Variants in ACVRL1 observed in about 807,000 individuals in gnomAD.
ACVRL1 encodes activin receptor type-1-like.
Under a neutral mutation model 51.9 loss-of-function variants are expected in ACVRL1, and 20 were observed. That is an observed-to-expected ratio of 0.39 (90% confidence interval 0.27 to 0.56). The LOEUF (loss-of-function observed/expected upper bound fraction) is 0.56, where lower values mean the gene tolerates loss of function less well. ACVRL1 is among the 20% of genes least tolerant of loss of function. The probability of loss-of-function intolerance (pLI) is 0.67; values close to 1 mark genes in which losing one functional copy is unlikely to be tolerated. For missense variants in ACVRL1, 451 were observed against 670.3 expected, an observed-to-expected ratio of 0.67 and a Z score of 3.61; for synonymous variants, 288 against 280.9, an observed-to-expected ratio of 1.03 and a Z score of -0.25.
chr12:51,913,920 A>C (rs1014973962), intron 4 of ACVRL1, 54 bp from the exon 5 acceptor site: 10 of 1,597,280 alleles, frequency 6.3e-6, no homozygotes, highest in African/African-American at 1.3e-5. Flanking sequence ...GAGGATAGAG[A>C]AGGGGGCTGT....
rs762047618 is a variant in ACVRL1, at chr12:51,913,674, C to T, written c.429C>T (p.Val143=). The change falls in exon 4 of 10, where the codon GTC becomes GTT. Residue 143 remains valine, a synonymous_variant. Transcript: ENST00000388922. ...VALGVLGLWH[V]RRRQEKQRGL... is the part of the protein sequence containing the mutation. ...TGGGTGTCCTGGGCCTGTGGCATGT[C>T]CGACGGAGGCAGGAGAAGCAGCGTG... 5.0e-6 allele frequency: 8 copies of T among 1,610,022 alleles called. No individual in the cohort carries two copies. The Admixed American group carries it at 8.3e-5, about 17-fold the overall frequency.
intron 1 of ACVRL1, among the ~76,000 whole-genome samples, chr12:51,910,181 G>A (rs1940661626): frequency 1.3e-5 from 2 of 152,230 alleles, no homozygotes; most frequent in South Asian, 4.1e-4. Flanking sequence ...GATGCAGACA[G>A]CCTCGCTCCA....
chr12:51,921,003 G>A lies in ACVRL1; in HGVS notation c.*110G>A, dbSNP rs767722859. On this transcript the variant is annotated 3_prime_UTR_variant, in exon 10 of 10. Transcript: ENST00000388922. Reference sequence around the variant, plus strand: ...TGTGAGTGTGGTGTGTGCTGGGGATGGGCAGCTGCGCCTGCCTGCTCGGCC... The same window carrying A: ...TGTGAGTGTGGTGTGTGCTGGGGATAGGCAGCTGCGCCTGCCTGCTCGGCC... 1.7e-4 allele frequency: 226 copies of A among 1,325,414 alleles called. No individual in the cohort carries two copies. Among genetic ancestry groups the A allele is most frequent in the Non-Finnish European group, 2.2e-4 (207 of 956,778 alleles). 82.1% of individuals were successfully genotyped at this position (1,325,414 alleles called of 1,614,324 possible).
intron 6 of ACVRL1, 73 bp from the exon 7 acceptor site, chr12:51,915,152 C>A: frequency 6.4e-7 from 1 of 1,558,414 alleles, no homozygotes; most frequent in Non-Finnish European, 8.8e-7. Flanking sequence ...CCCAACCCCA[C>A]CCTGACCCTG....
At chr12:51,910,969 T>C (rs1267496747) in intron 1 of ACVRL1, among the ~76,000 whole-genome samples, 1 of 152,174 alleles carries the variant, frequency 6.6e-6, no homozygotes, top group Non-Finnish European at 1.5e-5. Context: ...CATACTGCCC[T>C]CAGAGCCTCA....
Position 51,913,289 on chromosome 12 carries a change from C to T in ACVRL1, c.252C>T (p.Phe84=), listed in dbSNP as rs772198943. 20 of 1,608,488 alleles carry T rather than the reference C, an allele frequency of 1.2e-5. No individual in the cohort carries two copies. The highest frequency in any genetic ancestry group is 5.3e-5 in the African/African-American group (4 of 74,826). ...TCTGCAGGGGGCGCCCCACCGAGTT[C>T]GTCAACCACTACTGCTGCGACAGCC... The part of the protein sequence containing the change: ...RELCRGRPTE[F]VNHYCCDSHL... Residue 84 remains phenylalanine (F), a synonymous_variant, in exon 3 of 10, where the codon TTC becomes TTT. Transcript: ENST00000388922.
At position 51,923,145 on chromosome 12, in the gene ACVRL1, G is replaced by A. The variant is rs1293668616; in HGVS notation, c.*2252G>A. 1.3e-5 allele frequency: 2 copies of A among 152,830 alleles called. No individual in the cohort carries two copies. The highest frequency in any genetic ancestry group is 2.4e-5 in the African/African-American group (1 of 41,454). The allele number at this position is 152,830 out of a possible 1,614,324, so 9.5% of individuals were successfully genotyped here. On this transcript the variant is annotated 3_prime_UTR_variant, in exon 10 of 10. Coordinates refer to ENST00000388922, the MANE Select transcript of ACVRL1 (RefSeq NM_000020.3). ...TAAGAGAAGGCCTGGGGCAGGAAGT[G>A]GAGTGACAGGGGACAGGTAGAGAGA... is the stretch of plus-strand genomic sequence containing the variant.
At chr12:51,912,597 C>T in intron 2 of ACVRL1, 62 bp downstream of exon 2, 1 of 1,396,930 alleles carries the variant, frequency 7.2e-7, no homozygotes, top group Non-Finnish European at 1.0e-6. Flanking sequence ...TATCTGGGCC[C>T]AGATCAGCTC....
Position 51,912,491 on chromosome 12 carries a change from C to G in ACVRL1, c.17C>G (p.Pro6Arg), listed in dbSNP as rs1485762988. 3.1e-6 allele frequency: 5 copies of G among 1,614,184 alleles called. No homozygotes were observed. The highest frequency in any genetic ancestry group is 4.2e-6 in the Non-Finnish European group (5 of 1,180,014). MTLGS[P>R]RKGLLMLLMA... The stretch of plus-strand genomic sequence containing the variant: ...GCAGGGACCATGACCTTGGGCTCCC[C>G]CAGGAAAGGCCTTCTGATGCTGCTG... Residue 6 changes from proline to arginine, a missense_variant, in exon 2 of 10, where the codon CCC becomes CGC. Transcript: ENST00000388922.
chr12:51,916,377 A>G, intron 8 of ACVRL1, 144 bp downstream of exon 8: 2 of 817,764 alleles, frequency 2.4e-6, no homozygotes, highest in Non-Finnish European at 1.9e-6. Context: ...CAGCTGGTTC[A>G]GCTGAGTGAC....
At chr12:51,916,266 G>A (rs1037367307) in intron 8 of ACVRL1, 33 bp downstream of exon 8, 2 of 1,607,308 alleles carry the variant, frequency 1.2e-6, no homozygotes, top group Non-Finnish European at 1.7e-6. Context: ...GTAGGGAAAG[G>A]GGAATCAGCC....
intron 8 of ACVRL1, among the ~76,000 whole-genome samples, chr12:51,916,923 A>G (rs1416363907): frequency 6.6e-6 from 1 of 152,332 alleles, no homozygotes; most frequent in Admixed American, 6.5e-5. Flanking sequence ...GCGGTGAGCC[A>G]AGATCATGCC....
Position 51,915,161 on chromosome 12 carries a change from TGAC to T in ACVRL1, c.773-60_773-58del. On this transcript the variant is annotated intron_variant, in intron 6 of 9. Transcript: ENST00000388922. ...CTCTCCCCCAACCCCACCCTGACCC[TGAC>T]GACTCCAGCCTCCCTTAGCCCCAGC... The T allele has an allele frequency of 8.6e-6, 11 of 1,272,234 alleles. No homozygotes were observed. The South Asian group carries it at 1.1e-4, about 12-fold the overall frequency. The allele number at this position is 1,272,234 out of a possible 1,614,324, so 78.8% of individuals were successfully genotyped here. A position where few individuals can be genotyped will look rare whatever the true frequency, so the allele number is the denominator to read the frequency against.
rs1276934525 is a variant in ACVRL1 at position 51,913,337 on chromosome 12, C to G, written c.300C>G (p.Ser100=). The G allele has an allele frequency of 1.9e-6, 3 of 1,612,230 alleles. No homozygotes were observed. In the African/African-American group the frequency reaches 4.0e-5, roughly 22 times the overall value. Residue 100 remains serine, a synonymous_variant, in exon 3 of 10, where the codon TCC becomes TCG. Transcript: ENST00000388922. ...CDSHLCNHNV[S]LVLEATQPPS... ...GCCACCTCTGCAACCACAACGTGTC[C>G]CTGGTGCTGGAGGGTACGTCCAGCT...
Position 51,916,105 on chromosome 12 carries a change from A to G in ACVRL1, c.1118A>G (p.Lys373Arg), listed in dbSNP as rs1324917279. 1.2e-5 allele frequency: 19 copies of G among 1,613,574 alleles called. No homozygotes were observed. Among genetic ancestry groups the G allele is most frequent in the Admixed American group, 1.7e-5 (1 of 59,992 alleles). ...GGCAACAACCCGAGAGTGGGCACCAAGCGGTACATGGCACCCGAGGTGCTG... is the reference window on the plus strand; with the variant it reads ...GGCAACAACCCGAGAGTGGGCACCAGGCGGTACATGGCACCCGAGGTGCTG... ...DIGNNPRVGT[K>R]RYMAPEVLDE... Residue 373 changes from lysine (K) to arginine (R), a missense_variant, in exon 8 of 10, where the codon AAG (lysine) becomes AGG (arginine). By Grantham distance (26) the Lys-to-Arg change is conservative (BLOSUM62 2). Transcript: ENST00000388922.
In ACVRL1 at chr12:51,920,942, G is replaced by GGGGGGGGGGGGGGGGGGGGGC; in HGVS notation, c.*52_*53insGGGGGGGGGGGGGGGGGCGGG. On this transcript the variant is annotated 3_prime_UTR_variant, in exon 10 of 10. Coordinates refer to ENST00000388922, the MANE Select transcript of ACVRL1 (RefSeq NM_000020.3). ...TGCCTGCAGGGGGCTGGGGGGGTGGGGGGCAGTGGATGGTGCCCTATCTGG... is the reference window on the plus strand; with the variant it reads ...TGCCTGCAGGGGGCTGGGGGGGTGGGGGGGGGGGGGGGGGGGGGGGCGGGCAGTGGATGGTGCCCTATCTGG... 1 of 629,042 alleles carries GGGGGGGGGGGGGGGGGGGGGC rather than the reference G, an allele frequency of 1.6e-6. No individual in the cohort carries two copies. Among genetic ancestry groups the GGGGGGGGGGGGGGGGGGGGGC allele is most frequent in the Non-Finnish European group, 2.9e-6 (1 of 341,658 alleles). The allele number at this position is 629,042 out of a possible 1,614,324, so 39.0% of individuals were successfully genotyped here. A position where few individuals can be genotyped will look rare whatever the true frequency, so the allele number is the denominator to read the frequency against.
Position 51,920,939 on chromosome 12 carries a change from T to TGG in ACVRL1, c.*51_*52dup. ...TTCTGCCTGCAGGGGGCTGGGGGGG[T>TGG]GGGGGGCAGTGGATGGTGCCCTATC... On this transcript the variant is annotated 3_prime_UTR_variant, in exon 10 of 10. Coordinates refer to ENST00000388922, the MANE Select transcript of ACVRL1 (RefSeq NM_000020.3). The TGG allele has an allele frequency of 1.9e-5, 5 of 262,670 alleles. No homozygotes were observed. Among genetic ancestry groups the TGG allele is most frequent in the African/African-American group, 8.0e-5 (2 of 24,890 alleles). 16.3% of individuals were successfully genotyped at this position (262,670 alleles called of 1,614,324 possible). A position where few individuals can be genotyped will look rare whatever the true frequency, so the allele number is the denominator to read the frequency against.
upstream of ACVRL1, among the ~76,000 whole-genome samples, chr12:51,907,155 G>C (rs1462352801): frequency 6.6e-6 from 1 of 152,090 alleles, no homozygotes; most frequent in African/African-American, 2.4e-5. This position sits in a 1 kb window ranked among gnomAD's most constrained non-coding sequence, Gnocchi z 4.5. Flanking sequence ...TACAGTCTCG[G>C]CTCTGTCTCC....
chr12:51,915,280 C>T lies in ACVRL1; in HGVS notation c.828C>T (p.Ile276=), dbSNP rs986336353. ...SRNSSTQLWL[I]THYHEHGSLY... ...ACTCGAGCACGCAGCTGTGGCTCAT[C>T]ACGCACTACCACGAGCACGGCTCCC... Residue 276 remains isoleucine, a synonymous_variant, in exon 7 of 10, where the codon ATC becomes ATT. Transcript: ENST00000388922. The T allele has an allele frequency of 1.9e-6, 3 of 1,614,194 alleles. No homozygotes were observed. The highest frequency in any genetic ancestry group is 3.3e-5 in the Admixed American group (2 of 60,032).
Sources: gnomAD v4.1 joint callset for allele counts (sites outside exome capture counted in the v4.1 genomes callset) on GRCh38, gnomAD v4.1.1 for gene constraint, Gnocchi (gnomAD v3.1) non-coding constraint, MANE v1.5 for transcripts, NCBI Gene and HGNC (gene_info 2026-07-23, HGNC 2026-07-21) for gene names.